Variants in POLR3H observed in about 807,000 individuals in gnomAD.
POLR3H encodes DNA-directed RNA polymerase III subunit RPC8.
In POLR3H, 17 loss-of-function variants were observed where a neutral mutation model predicts 25.5. The observed-to-expected ratio is 0.67, with a 90% CI of 0.46 to 1.00. The LOEUF (loss-of-function observed/expected upper bound fraction) is 1.00. Ranked by LOEUF, POLR3H falls within the 50% of genes least tolerant of loss-of-function variation. The pLI, the probability that POLR3H is intolerant of heterozygous loss-of-function variation, is 0.00. For synonymous variants in POLR3H, 129 were observed against 103.0 expected, an observed-to-expected ratio of 1.25 and a Z score of -1.53; for missense variants, 274 against 265.0, an observed-to-expected ratio of 1.03 and a Z score of -0.24.
At chr22:41,540,177 C>G (rs1303931465) in intron 2 of POLR3H, 2 of 249,956 alleles carry the variant, frequency 8.0e-6, no homozygotes, top group Non-Finnish European at 1.6e-5. Flanking sequence ...AAGTCCCCCA[C>G]CCCCAGCCAG....
intron 3 of POLR3H, among the ~76,000 whole-genome samples, chr22:41,532,406 T>C (rs1180758734): frequency 6.6e-6 from 1 of 152,192 alleles, no homozygotes; most frequent in Admixed American, 6.5e-5. Context: ...CAGTGGGCGC[T>C]AAAGACTCCC....
At chr22:41,529,800 G>A (rs1278891392) in intron 5 of POLR3H, 3 of 429,274 alleles carry the variant, frequency 7.0e-6, no homozygotes, top group Admixed American at 2.7e-5. Context: ...CTGTCACCCG[G>A]GCTGGAGTGG....
intron 4 of POLR3H, among the ~76,000 whole-genome samples, chr22:41,531,549 G>A (rs527405208): frequency 1.1e-3 from 162 of 152,340 alleles, no homozygotes; most frequent in Non-Finnish European, 1.8e-3. Flanking sequence ...GCTGTGCACC[G>A]TGGGTACAGC....
chr22:41,539,240 C>G (rs1421364521), intron 2 of POLR3H: 1 of 151,320 alleles, frequency 6.6e-6, no homozygotes, highest in Admixed American at 6.6e-5. Context: ...ACCTGGGCAA[C>G]AGAGCAAGAC....
chr22:41,543,996 T>C lies in POLR3H; in HGVS notation c.106A>G (p.Asn36Asp). Reference sequence around the variant, plus strand: ...GCGAGCCGTGGGCCCAGTACCTTGTTGGCCAACTTCTTGTTCAGCTCCTCG... The same window carrying C: ...GCGAGCCGTGGGCCCAGTACCTTGTCGGCCAACTTCTTGTTCAGCTCCTCG... Reference protein sequence around the residue: ...IAEELNKKLANKVVYNVGLCI... With the variant: ...IAEELNKKLADKVVYNVGLCI... The change falls in exon 1 of 6, where the codon AAC (asparagine) becomes GAC (aspartate). Residue 36 changes from asparagine (N) to aspartate (D), a missense_variant. Coordinates refer to ENST00000355209, the MANE Select transcript of POLR3H (RefSeq NM_001018050.4). The C allele has an allele frequency of 1.2e-6, 2 of 1,612,480 alleles. No individual in the cohort carries two copies. Among genetic ancestry groups the C allele is most frequent in the Non-Finnish European group, 1.7e-6 (2 of 1,178,528 alleles).
chr22:41,529,398 G>A, intron 5 of POLR3H, 62 bp from the exon 6 acceptor site: 4 of 1,468,342 alleles, frequency 2.7e-6, no homozygotes, highest in South Asian at 1.1e-5. Context: ...ACCTGGACAG[G>A]AGGTGAAGGG....
chr22:41,526,678 G>A lies in POLR3H; in HGVS notation c.*2605C>T. The A allele has an allele frequency of 2.0e-6, 1 of 508,584 alleles. No individual in the cohort carries two copies. The highest frequency in any genetic ancestry group is 3.1e-5 in the East Asian group (1 of 32,334). 31.5% of individuals were successfully genotyped at this position (508,584 alleles called of 1,614,324 possible). A position where few individuals can be genotyped will look rare whatever the true frequency, so the allele number is the denominator to read the frequency against. On this transcript the variant is annotated 3_prime_UTR_variant, in exon 6 of 6. Coordinates refer to ENST00000355209, the MANE Select transcript of POLR3H (RefSeq NM_001018050.4). ...CGGGTCCCTGCACCAGGAGGAGTTA[G>A]TGAGAGATATCTTAGGATATCTGGC...
chr22:41,528,722 G>A lies in POLR3H; in HGVS notation c.*561C>T, dbSNP rs2066658614. On this transcript the variant is annotated 3_prime_UTR_variant, in exon 6 of 6. Transcript: ENST00000355209. ...TTCCTATTCCAAGATGGTGTGACCA[G>A]ACATGCTTCCTGCTCCCCGCTTAGC... The A allele has an allele frequency of 6.9e-7, 1 of 1,447,998 alleles. No homozygotes were observed. Among genetic ancestry groups the A allele is most frequent in the South Asian group, 1.3e-5 (1 of 74,202 alleles). 89.7% of individuals were successfully genotyped at this position (1,447,998 alleles called of 1,614,324 possible).
intron 2 of POLR3H, among the ~76,000 whole-genome samples, chr22:41,535,141 T>C (rs1176428537): frequency 6.6e-6 from 1 of 152,194 alleles, no homozygotes; most frequent in Non-Finnish European, 1.5e-5. Context: ...TGCCTCATAA[T>C]CGGTGTTGAG....
At position 41,526,628 on chromosome 22, in the gene POLR3H, T is replaced by A; in HGVS notation, c.*2655A>T. 1.6e-6 allele frequency: 1 copy of A among 626,456 alleles called. No individual in the cohort carries two copies. Among genetic ancestry groups the A allele is most frequent in the Non-Finnish European group, 2.6e-6 (1 of 386,410 alleles). The allele number at this position is 626,456 out of a possible 1,614,324, so 38.8% of individuals were successfully genotyped here. A position where few individuals can be genotyped will look rare whatever the true frequency, so the allele number is the denominator to read the frequency against. ...GCCCCTCCCTGTGGCTGAGAAGGCA[T>A]GAGGCCCAGGTCCGGTGGTACAGCC... On this transcript the variant is annotated 3_prime_UTR_variant, in exon 6 of 6. Transcript: ENST00000355209.
chr22:41,539,198 G>T (rs2066894059), intron 2 of POLR3H: 2 of 152,150 alleles, frequency 1.3e-5, no homozygotes, highest in African/African-American at 2.4e-5. Context: ...GGTGGAGGTT[G>T]CAGTGAGCCA....
In POLR3H at chr22:41,543,754, G is replaced by A. The variant is rs767239005; in HGVS notation, c.111+237C>T. The A allele has an allele frequency of 7.5e-6, 5 of 668,628 alleles. No individual in the cohort carries two copies. In the South Asian group the frequency reaches 7.5e-5, roughly 10 times the overall value. 41.4% of individuals were successfully genotyped at this position (668,628 alleles called of 1,614,324 possible). A position where few individuals can be genotyped will look rare whatever the true frequency, so the allele number is the denominator to read the frequency against. On this transcript the variant is annotated intron_variant, in intron 1 of 5. Coordinates refer to ENST00000355209, the MANE Select transcript of POLR3H (RefSeq NM_001018050.4). ...CCCAGAAGGGGTCAGTAACTTGCCT[G>A]CAATTGCAAAGTAATTTAGAATTGT...
chr22:41,530,992 C>G (rs911419071), intron 4 of POLR3H, 104 bp from the exon 5 acceptor site: 3 of 1,126,518 alleles, frequency 2.7e-6, no homozygotes, highest in Non-Finnish European at 3.9e-6. Context: ...GGTGAGATCA[C>G]TGTGGCTGGG....
At chr22:41,543,483 T>C (rs538239069) in intron 1 of POLR3H, among the ~76,000 whole-genome samples, 1 of 152,072 alleles carries the variant, frequency 6.6e-6, no homozygotes, top group South Asian at 2.1e-4. Flanking sequence ...CTGGGGGTGG[T>C]GGCGCGCGCC....
chr22:41,529,893 C>T (rs2066690045), intron 5 of POLR3H, among the ~76,000 whole-genome samples: 1 of 151,918 alleles, frequency 6.6e-6, no homozygotes. Context: ...GTAGCTGGGA[C>T]TACAGGCGCC....
intron 2 of POLR3H, among the ~76,000 whole-genome samples, chr22:41,533,120 C>T (rs2066774289): frequency 6.6e-6 from 1 of 152,238 alleles, no homozygotes; most frequent in African/African-American, 2.4e-5. Context: ...GCAGCAAAGT[C>T]GGCCCCAGGC....
chr22:41,529,287 T>C lies in POLR3H; in HGVS notation c.611A>G (p.Asn204Ser), dbSNP rs770861511. 43 of 1,613,214 alleles carry C rather than the reference T, an allele frequency of 2.7e-5. No homozygotes were observed. Among genetic ancestry groups the C allele is most frequent in the Non-Finnish European group, 3.3e-5 (39 of 1,179,720 alleles). ...GTCCACTGTCCAGCCCCAGGGCTAG[T>C]TGCTGGTCCACCAGGAGAGAAGGCC... is the stretch of plus-strand genomic sequence containing the variant. ...GLGLLSWWTSN is the reference protein window; with the variant it reads ...GLGLLSWWTSS The change falls in exon 6 of 6, where the codon AAC becomes AGC. Residue 204 changes from asparagine (N) to serine (S), a missense_variant. By Grantham distance (46) the Asn-to-Ser change is conservative. Coordinates refer to ENST00000355209, the MANE Select transcript of POLR3H (RefSeq NM_001018050.4).
intron 2 of POLR3H, among the ~76,000 whole-genome samples, chr22:41,535,616 C>T (rs1486535598): frequency 2.0e-5 from 3 of 152,086 alleles, no homozygotes; most frequent in Non-Finnish European, 4.4e-5. Context: ...CACTTGAAGC[C>T]AGGAGTTTGA....
In POLR3H at chr22:41,529,254, C is replaced by G. The variant is rs761047602; in HGVS notation, c.*29G>C. 1 of 1,603,456 alleles carries G rather than the reference C, an allele frequency of 6.2e-7. No individual in the cohort carries two copies. Among genetic ancestry groups the G allele is most frequent in the South Asian group, 1.1e-5 (1 of 90,502 alleles). On this transcript the variant is annotated 3_prime_UTR_variant, in exon 6 of 6. Coordinates refer to ENST00000355209, the MANE Select transcript of POLR3H (RefSeq NM_001018050.4). ...GCCGGCCATACCACCTTCCCGCAGG[C>G]TGGTAGGGTCCACTGTCCAGCCCCA...
Sources: allele counts gnomAD v4.1 joint callset (sites outside exome capture counted in the v4.1 genomes callset), GRCh38; gene constraint gnomAD v4.1.1; transcripts MANE v1.5; gene names NCBI Gene and HGNC (gene_info 2026-07-23, HGNC 2026-07-21).